Variants in STK3 observed in about 807,000 individuals in gnomAD.
STK3 encodes serine/threonine-protein kinase 3.
Under a neutral mutation model 58.0 loss-of-function variants are expected in STK3, and 41 were observed. The observed-to-expected ratio is 0.71, with a 90% CI of 0.55 to 0.92. The LOEUF is 0.92. Ranked by LOEUF, STK3 falls within the 40% of genes least tolerant of loss-of-function variation. The pLI, the probability that STK3 is intolerant of heterozygous loss-of-function variation, is 0.00. For missense variants in STK3, 479 were observed against 602.7 expected, an observed-to-expected ratio of 0.79 and a Z score of 2.15; for synonymous variants, 170 against 191.0, an observed-to-expected ratio of 0.89 and a Z score of 0.91.
At chr8:98,776,729 T>G (rs1336099305) in intron 1 of STK3, among the ~76,000 whole-genome samples, 2 of 151,886 alleles carry the variant, frequency 1.3e-5, no homozygotes, top group East Asian at 3.9e-4. Context: ...GGCAATGACT[T>G]TGAAGGATTC....
chr8:98,475,570 T>C (rs1382650294), intron 10 of STK3, among the ~76,000 whole-genome samples: 1 of 152,322 alleles, frequency 6.6e-6, no homozygotes, highest in Admixed American at 6.5e-5. Context: ...ACAGACTCCA[T>C]GTACTATTAC....
intron 1 of STK3, among the ~76,000 whole-genome samples, chr8:98,810,840 G>A (rs565173210): frequency 7.9e-5 from 12 of 152,224 alleles, no homozygotes; most frequent in African/African-American, 2.4e-4. Flanking sequence ...TGTCCCTGGC[G>A]ATGAGTGAGT....
At chr8:98,649,104 AG>A (rs1820658301) in intron 6 of STK3, among the ~76,000 whole-genome samples, 2 of 151,960 alleles carry the variant, frequency 1.3e-5, no homozygotes, top group Non-Finnish European at 2.9e-5. Flanking sequence ...CATATCCTAA[AG>A]TACTATTAAT....
intron 4 of STK3, among the ~76,000 whole-genome samples, chr8:98,723,749 A>G (rs1050357208): frequency 5.3e-5 from 8 of 152,264 alleles, no homozygotes; most frequent in Middle Eastern, 3.4e-3. Flanking sequence ...CCATAAATAG[A>G]TAAGTACAGG....
intron 1 of STK3, among the ~76,000 whole-genome samples, chr8:98,777,300 G>A (rs1831758996): frequency 6.6e-6 from 1 of 152,174 alleles, no homozygotes. Context: ...GCCGAGGTAG[G>A]CGTATCCTTT....
intron 3 of STK3, among the ~76,000 whole-genome samples, chr8:98,873,541 T>A (rs1383271491): frequency 6.6e-6 from 1 of 152,242 alleles, no homozygotes; most frequent in Non-Finnish European, 1.5e-5. Flanking sequence ...GGTGCATATG[T>A]ATTTAGGATA....
At chr8:98,593,095 C>G (rs1815477515) in intron 7 of STK3, among the ~76,000 whole-genome samples, 1 of 152,108 alleles carries the variant, frequency 6.6e-6, no homozygotes, top group Non-Finnish European at 1.5e-5. Context: ...GGCTGCCCAC[C>G]AGCAGGTATA....
At chr8:98,350,518 G>C in the STK3 span, among the ~76,000 whole-genome samples, 1 of 152,072 alleles carries the variant, frequency 6.6e-6, no homozygotes, top group Non-Finnish European at 1.5e-5. Flanking sequence ...CCACTCTACT[G>C]GTACCAATTT....
At chr8:98,694,754 T>G (rs1462670481) in intron 6 of STK3, among the ~76,000 whole-genome samples, 2 of 152,246 alleles carry the variant, frequency 1.3e-5, no homozygotes, top group African/African-American at 4.8e-5. Flanking sequence ...CTATCATTGT[T>G]GGACATTTGG....
At chr8:98,741,425 C>G (rs1402264368) in intron 4 of STK3, among the ~76,000 whole-genome samples, 1 of 152,166 alleles carries the variant, frequency 6.6e-6, no homozygotes, top group Non-Finnish European at 1.5e-5. Context: ...CAAACTAGAA[C>G]TCAGGATTAA....
chr8:98,922,889 C>T (rs1227816588), intron 1 of STK3, among the ~76,000 whole-genome samples: 3 of 152,194 alleles, frequency 2.0e-5, no homozygotes, highest in African/African-American at 7.2e-5. Flanking sequence ...AAAGTAACTT[C>T]CTCTATTTCC....
intron 4 of STK3, among the ~76,000 whole-genome samples, chr8:98,725,039 C>A (rs917704029): frequency 6.6e-6 from 1 of 152,086 alleles, no homozygotes. Flanking sequence ...CACAAATATG[C>A]CAATACCTAT....
At chr8:98,644,252 T>C (rs1169943037) in intron 6 of STK3, among the ~76,000 whole-genome samples, 1 of 152,182 alleles carries the variant, frequency 6.6e-6, no homozygotes, top group Admixed American at 6.5e-5. Context: ...TTTAACATGA[T>C]GAAAATCAGT....
At chr8:98,433,916 C>T (rs536311573) in intron 3 of STK3, among the ~76,000 whole-genome samples, 4 of 152,308 alleles carry the variant, frequency 2.6e-5, no homozygotes, top group South Asian at 2.1e-4. Context: ...CCTATGTACA[C>T]GGAATCCAGA....
intron 1 of STK3, among the ~76,000 whole-genome samples, chr8:98,384,547 C>T (rs1817770144): frequency 6.6e-6 from 1 of 152,228 alleles, no homozygotes; most frequent in South Asian, 2.1e-4. Flanking sequence ...GAACCATCCT[C>T]TTTTTCTTCC....
At position 98,800,593 on chromosome 8, in the gene STK3, A is replaced by G. The variant is rs2442011; in HGVS notation, c.26+24922T>C. On this transcript the variant is annotated intron_variant, in intron 1 of 10. Transcript: ENST00000419617. The surrounding 1 kb of genome is among the most constrained non-coding windows in gnomAD (Gnocchi z 4.8). ...GCTTGCGGGAAGGTGTGGAGGGAGA[A>G]GCGTGGGCAGGAACCAGGACTGCGC... Among the ~76,000 whole-genome samples, 115,686 of 152,130 alleles carry G rather than the reference A, an allele frequency of 0.76. 44,440 individuals carry two copies. Among genetic ancestry groups the G allele is most frequent in the African/African-American group, 0.88 (36,414 of 41,538 alleles).
chr8:98,771,685 C>T (rs1014855105), intron 2 of STK3, among the ~76,000 whole-genome samples: 8 of 152,150 alleles, frequency 5.3e-5, no homozygotes, highest in African/African-American at 1.9e-4. Flanking sequence ...CTGTCTCAGC[C>T]TTCCAAGTAG....
At chr8:98,426,999 C>T (rs1313475219) in intron 3 of STK3, 1 of 150,524 alleles carries the variant, frequency 6.6e-6, no homozygotes, top group African/African-American at 2.4e-5. Flanking sequence ...CCCCGTCACA[C>T]CCGCTCTGCT....
intron 1 of STK3, among the ~76,000 whole-genome samples, chr8:98,922,599 T>C (rs1322207649): frequency 6.6e-6 from 1 of 152,210 alleles, no homozygotes. Flanking sequence ...ATTAAACGAA[T>C]GAACAAACAA....
Sources: gnomAD v4.1 joint callset for allele counts (sites outside exome capture counted in the v4.1 genomes callset) on GRCh38, gnomAD v4.1.1 for gene constraint, Gnocchi (gnomAD v3.1) non-coding constraint, MANE v1.5 for transcripts, NCBI Gene and HGNC (gene_info 2026-07-23, HGNC 2026-07-21) for gene names.